UBE2E2: variants seen among roughly 807,000 people sequenced by gnomAD.
The protein encoded by UBE2E2 is ubiquitin-conjugating enzyme E2 E2.
A neutral mutation model predicts 24.7 loss-of-function variants in UBE2E2; 6 were observed. The ratio of observed to expected loss-of-function variants is 0.24; its 90% CI spans 0.13 to 0.48. The LOEUF (loss-of-function observed/expected upper bound fraction) is 0.48, where lower values mean the gene tolerates loss of function less well. Among genes scored for constraint, UBE2E2 ranks in the 20% least tolerant of loss-of-function variants. The pLI, the probability that UBE2E2 is intolerant of heterozygous loss-of-function variation, is 0.99. For synonymous variants in UBE2E2, 104 were observed against 83.6 expected (o/e 1.24, Z -1.33); for missense variants, 169 against 245.0 (o/e 0.69, Z 2.07).
intron 1 of UBE2E2, among the ~76,000 whole-genome samples, chr3:23,205,536 A>C (rs1559437921): frequency 6.6e-6 from 1 of 152,136 alleles, no homozygotes; most frequent in Non-Finnish European, 1.5e-5. Context: ...TTTTTCTGTA[A>C]TCAAGCATTC....
At chr3:23,495,822 G>A (rs140210720) in intron 3 of UBE2E2, among the ~76,000 whole-genome samples, 1 of 152,238 alleles carries the variant, frequency 6.6e-6, no homozygotes, top group African/African-American at 2.4e-5. Context: ...TGATGGGGGA[G>A]GAATGCTGTA....
At chr3:23,290,679 G>C (rs544571945) in intron 3 of UBE2E2, among the ~76,000 whole-genome samples, 1 of 151,928 alleles carries the variant, frequency 6.6e-6, no homozygotes, top group Non-Finnish European at 1.5e-5. Context: ...TAAAACCTCA[G>C]ATAAACTATG....
intron 4 of UBE2E2, among the ~76,000 whole-genome samples, chr3:23,510,917 G>A (rs1326916952): frequency 6.6e-6 from 1 of 152,164 alleles, no homozygotes; most frequent in Non-Finnish European, 1.5e-5. Context: ...TGACACAATA[G>A]TTCAGCCCAG....
At chr3:23,332,671 TG>T (rs78884458) in intron 3 of UBE2E2, among the ~76,000 whole-genome samples, 2 of 79,204 alleles carry the variant, frequency 2.5e-5, no homozygotes, top group East Asian at 3.8e-4. Context: ...TGGCAGCCAG[TG>T]GGGTGTGTGT....
intron 3 of UBE2E2, among the ~76,000 whole-genome samples, chr3:23,312,763 G>A (rs935891055): frequency 2.0e-5 from 3 of 151,976 alleles, no homozygotes; most frequent in Non-Finnish European, 2.9e-5. Flanking sequence ...TGCTCTTTCT[G>A]TATCCCATAG....
At chr3:23,217,455 A>G in intron 3 of UBE2E2, 143 bp downstream of exon 3, 1 of 777,722 alleles carries the variant, frequency 1.3e-6, no homozygotes, top group Admixed American at 2.5e-5. Flanking sequence ...TGTGGAAGAC[A>G]ATGGTTTTTG....
intron 4 of UBE2E2, among the ~76,000 whole-genome samples, chr3:23,520,756 CCTCAGCCTCCCAA>C (rs1413569521): frequency 1.3e-5 from 2 of 152,164 alleles, no homozygotes; most frequent in Non-Finnish European, 1.5e-5. Flanking sequence ...TGCCCTCCTA[CCTCAGCCTCCCAA>C]GTAGCTAGTA....
intron 3 of UBE2E2, among the ~76,000 whole-genome samples, chr3:23,462,300 G>C (rs962665590): frequency 6.6e-6 from 1 of 152,108 alleles, no homozygotes; most frequent in Non-Finnish European, 1.5e-5. Flanking sequence ...AAATGAAGTA[G>C]TATTTTCAAG....
At chr3:23,342,251 C>T (rs1243252294) in intron 3 of UBE2E2, among the ~76,000 whole-genome samples, 1 of 149,982 alleles carries the variant, frequency 6.7e-6, no homozygotes, top group Non-Finnish European at 1.5e-5. Flanking sequence ...GTGGCACAAT[C>T]ATGGCTCACT....
At chr3:23,386,757 C>G (rs1696813185) in intron 3 of UBE2E2, among the ~76,000 whole-genome samples, 1 of 152,150 alleles carries the variant, frequency 6.6e-6, no homozygotes, top group Non-Finnish European at 1.5e-5. Flanking sequence ...ATTTTATATA[C>G]TCAGAGTAGG....
chr3:23,485,871 A>G (rs1298347710), intron 3 of UBE2E2, among the ~76,000 whole-genome samples: 1 of 152,216 alleles, frequency 6.6e-6, no homozygotes, highest in East Asian at 1.9e-4. Flanking sequence ...GCCTTTAAAG[A>G]GAAACTCTTA....
At chr3:23,289,009 A>G (rs575419055) in intron 3 of UBE2E2, among the ~76,000 whole-genome samples, 22 of 152,206 alleles carry the variant, frequency 1.4e-4, no homozygotes, top group Non-Finnish European at 2.4e-4. Context: ...TATGAAGTTA[A>G]AAACCAGGTA....
chr3:23,238,302 T>C (rs905487491), intron 3 of UBE2E2, among the ~76,000 whole-genome samples: 1 of 152,198 alleles, frequency 6.6e-6, no homozygotes, highest in Non-Finnish European at 1.5e-5. Context: ...GATCCGCCAC[T>C]GTGAAATTGA....
At chr3:23,522,148 T>TTTGAGGCAGAGGCA (rs58369100) in intron 4 of UBE2E2, among the ~76,000 whole-genome samples, 1 of 115,170 alleles carries the variant, frequency 8.7e-6, no homozygotes, top group Non-Finnish European at 1.7e-5. Flanking sequence ...TTTTTTTTTT[T>TTTGAGGCAGAGGCA]GAGGCAGAGT....
At chr3:23,239,970 T>C (rs1160753904) in intron 3 of UBE2E2, among the ~76,000 whole-genome samples, 1 of 152,162 alleles carries the variant, frequency 6.6e-6, no homozygotes, top group Non-Finnish European at 1.5e-5. Flanking sequence ...TTCAAGTAAG[T>C]TTTGAGGCAT....
At chr3:23,338,463 A>G (rs1400445736) in intron 3 of UBE2E2, among the ~76,000 whole-genome samples, 7 of 152,106 alleles carry the variant, frequency 4.6e-5, no homozygotes, top group Non-Finnish European at 8.8e-5. Context: ...TGCCTTATAT[A>G]TTTCTTACTT....
At chr3:23,242,868 C>T (rs143458819) in intron 3 of UBE2E2, among the ~76,000 whole-genome samples, 47,548 of 151,726 alleles carry the variant, frequency 0.31, 7,721 homozygotes, top group South Asian at 0.37. Context: ...GGAGGATCAC[C>T]TGAGGTCAGG....
At chr3:23,427,479 A>G (rs1697954323) in intron 3 of UBE2E2, among the ~76,000 whole-genome samples, 1 of 152,194 alleles carries the variant, frequency 6.6e-6, no homozygotes, top group Non-Finnish European at 1.5e-5. Context: ...AAAGGCAGAA[A>G]AGGAGTGAAA....
At chr3:23,554,265 A>AT (rs1695720500) in intron 5 of UBE2E2, among the ~76,000 whole-genome samples, 1 of 152,170 alleles carries the variant, frequency 6.6e-6, no homozygotes, top group African/African-American at 2.4e-5. Context: ...TGGGCAACTA[A>AT]TTTTCAAAAA....
Sources: gnomAD v4.1 joint callset for allele counts (sites outside exome capture counted in the v4.1 genomes callset) on GRCh38, gnomAD v4.1.1 for gene constraint, MANE v1.5 for transcripts, NCBI Gene and HGNC (gene_info 2026-07-23, HGNC 2026-07-21) for gene names.